The following C1orf21 variants were observed in gnomAD, a reference collection of about 807,000 sequenced individuals.
The protein encoded by C1orf21 is chromosome 1 open reading frame 21, also known as uncharacterized protein C1orf21.
In C1orf21, 3 loss-of-function variants were observed where a neutral mutation model predicts 18.7. The observed-to-expected ratio is 0.16, with a 90% CI of 0.07 to 0.42. C1orf21 has a LOEUF of 0.42. C1orf21 is among the 10% of genes least tolerant of loss of function. The pLI is 0.99. For synonymous variants in C1orf21, 41 were observed against 46.4 expected, an observed-to-expected ratio of 0.88 and a Z score of 0.47; for missense variants, 104 against 143.6, an observed-to-expected ratio of 0.72 and a Z score of 1.41.
intron 2 of C1orf21, among the ~76,000 whole-genome samples, chr1:184,490,199 A>G (rs1268273963): frequency 1.3e-5 from 2 of 152,214 alleles, no homozygotes; most frequent in African/African-American, 2.4e-5. Context: ...CTCGTTGACT[A>G]CCTTGCATGA....
chr1:184,476,334 T>C (rs1338750144), intron 1 of C1orf21, among the ~76,000 whole-genome samples: 1 of 152,148 alleles, frequency 6.6e-6, no homozygotes, highest in African/African-American at 2.4e-5. Flanking sequence ...ATGCCTTCTT[T>C]GTTCTGCCAG....
chr1:184,582,106 G>C (rs1659283805), intron 3 of C1orf21, among the ~76,000 whole-genome samples: 1 of 152,160 alleles, frequency 6.6e-6, no homozygotes, highest in Admixed American at 6.5e-5. Flanking sequence ...AGTCAAGGTG[G>C]CTTCTCTGAT....
intron 3 of C1orf21, among the ~76,000 whole-genome samples, chr1:184,534,255 A>C (rs1658513452): frequency 6.6e-6 from 1 of 152,204 alleles, no homozygotes; most frequent in Non-Finnish European, 1.5e-5. Context: ...AATTCTGTTT[A>C]AGCGAATTTA....
At chr1:184,416,703 C>T (rs1403497579) in intron 1 of C1orf21, among the ~76,000 whole-genome samples, 1 of 152,142 alleles carries the variant, frequency 6.6e-6, no homozygotes, top group East Asian at 1.9e-4. Context: ...TCTCTGAATG[C>T]CTGTTGTTGC....
At chr1:184,497,491 G>A (rs1465426058) in intron 2 of C1orf21, among the ~76,000 whole-genome samples, 1 of 152,230 alleles carries the variant, frequency 6.6e-6, no homozygotes, top group Non-Finnish European at 1.5e-5. Context: ...GAGAGTGGGT[G>A]CTCCCACCAG....
At chr1:184,465,343 T>C (rs891152731) in intron 1 of C1orf21, among the ~76,000 whole-genome samples, 2 of 152,200 alleles carry the variant, frequency 1.3e-5, no homozygotes, top group East Asian at 1.9e-4. Flanking sequence ...CTGATTTCCA[T>C]TGGACATGAC....
intron 2 of C1orf21, among the ~76,000 whole-genome samples, chr1:184,500,051 C>T (rs1048520576): frequency 4.6e-5 from 7 of 152,174 alleles, no homozygotes; most frequent in African/African-American, 1.4e-4. Flanking sequence ...AACAACCATG[C>T]GTGTCTTCCC....
chr1:184,432,770 T>G (rs1368447751), intron 1 of C1orf21, among the ~76,000 whole-genome samples: 1 of 152,188 alleles, frequency 6.6e-6, no homozygotes, highest in Non-Finnish European at 1.5e-5. Flanking sequence ...AGTTTAGATA[T>G]TTGCTGAAGT....
chr1:184,451,043 A>C (rs759799941), intron 1 of C1orf21, among the ~76,000 whole-genome samples: 1 of 152,040 alleles, frequency 6.6e-6, no homozygotes, highest in Non-Finnish European at 1.5e-5. Flanking sequence ...ACGCCCAGCT[A>C]ATTTTTGTAT....
At chr1:184,582,316 T>C (rs768416077) in intron 3 of C1orf21, among the ~76,000 whole-genome samples, 11 of 152,258 alleles carry the variant, frequency 7.2e-5, no homozygotes, top group Non-Finnish European at 1.6e-4. Flanking sequence ...GTGTGTGTAC[T>C]TCACCACAAA....
chr1:184,491,081 G>A (rs1011386992), intron 2 of C1orf21, among the ~76,000 whole-genome samples: 4 of 152,090 alleles, frequency 2.6e-5, no homozygotes, highest in Non-Finnish European at 5.9e-5. Context: ...ATGCTATGAG[G>A]ATTAAATGAA....
chr1:184,395,342 G>A (rs1046219918), intron 1 of C1orf21, among the ~76,000 whole-genome samples: 4 of 151,960 alleles, frequency 2.6e-5, no homozygotes, highest in Non-Finnish European at 5.9e-5. Flanking sequence ...CCTTGCTCCC[G>A]TTTGAAGCCT....
chr1:184,513,697 T>C (rs948701971), intron 3 of C1orf21, among the ~76,000 whole-genome samples: 5 of 152,352 alleles, frequency 3.3e-5, no homozygotes, highest in African/African-American at 1.2e-4. Flanking sequence ...TCATACTGGT[T>C]GAATGCCATT....
chr1:184,613,577 C>T (rs1036770580), intron 5 of C1orf21, among the ~76,000 whole-genome samples: 7 of 152,128 alleles, frequency 4.6e-5, no homozygotes, highest in African/African-American at 1.2e-4. Context: ...ATGTGCAAAA[C>T]GTTGATGGTT....
At chr1:184,602,753 T>TA (rs370789836) in intron 5 of C1orf21, among the ~76,000 whole-genome samples, 69 of 152,342 alleles carry the variant, frequency 4.5e-4, no homozygotes, top group African/African-American at 1.5e-3. Context: ...AGTTTGTTTG[T>TA]AAAAAGCAGA....
chr1:184,569,545 A>T (rs2101989300), intron 3 of C1orf21, among the ~76,000 whole-genome samples: 1 of 152,328 alleles, frequency 6.6e-6, no homozygotes, highest in African/African-American at 2.4e-5. Flanking sequence ...CAACTACTTA[A>T]TTTGGAGGAA....
chr1:184,552,106 G>T (rs1298122753), intron 3 of C1orf21, among the ~76,000 whole-genome samples: 1 of 152,046 alleles, frequency 6.6e-6, no homozygotes, highest in East Asian at 1.9e-4. Context: ...GATAAATACT[G>T]CCCAGGAATA....
In C1orf21 at chr1:184,504,459, CTG is replaced by C. The variant is rs146395441; in HGVS notation, c.95-3128_95-3127del. ...CCCCATGTCTTCAACAAAAGGAAAA[CTG>C]GATTTTGGTAGTGATTGTTTTACTG... On this transcript the variant is annotated intron_variant, in intron 2 of 5. Coordinates refer to ENST00000235307, the MANE Select transcript of C1orf21 (RefSeq NM_030806.4). Among the ~76,000 whole-genome samples, 756 of 152,256 alleles carry C rather than the reference CTG, an allele frequency of 5.0e-3. 8 individuals carry two copies. The highest frequency in any genetic ancestry group is 0.017 in the African/African-American group (709 of 41,554).
intron 2 of C1orf21, among the ~76,000 whole-genome samples, chr1:184,496,037 G>A (rs1657888609): frequency 6.6e-6 from 1 of 151,994 alleles, no homozygotes; most frequent in African/African-American, 2.4e-5. Flanking sequence ...ATTGTGTGGT[G>A]AAGAGAAGTT....
Sources: gnomAD v4.1 joint callset for allele counts (sites outside exome capture counted in the v4.1 genomes callset) on GRCh38, gnomAD v4.1.1 for gene constraint, MANE v1.5 for transcripts, NCBI Gene and HGNC (gene_info 2026-07-23, HGNC 2026-07-21) for gene names.